The following RBM25 variants were observed in gnomAD, a reference collection of about 807,000 sequenced individuals.
The protein encoded by RBM25 is RNA-binding protein 25.
RBM25 carries 19 observed loss-of-function variants against 120.7 expected under a neutral mutation model. The ratio of observed to expected loss-of-function variants is 0.16; its 90% CI spans 0.11 to 0.23. RBM25 has a LOEUF of 0.23. Ranked by LOEUF, RBM25 falls within the 10% of genes least tolerant of loss-of-function variation. The pLI, the probability that RBM25 is intolerant of heterozygous loss-of-function variation, is 1.00. For missense variants in RBM25, 605 were observed against 1,041.5 expected (o/e 0.58, Z 5.77); for synonymous variants, 390 against 326.7 (o/e 1.19, Z -2.09).
intron 7 of RBM25, 97 bp from the exon 8 acceptor site, chr14:73,099,283 A>C: frequency 9.6e-7 from 1 of 1,045,454 alleles, no homozygotes; most frequent in Non-Finnish European, 1.4e-6. Context: ...AGTGTACTGT[A>C]TTGTTCACGT....
intron 1 of RBM25, among the ~76,000 whole-genome samples, chr14:73,063,398 C>G (rs1429883164): frequency 2.6e-5 from 4 of 151,344 alleles, no homozygotes; most frequent in Non-Finnish European, 4.4e-5. Flanking sequence ...ATCCACCCAC[C>G]TCGGCCTCCC....
At chr14:73,097,945 A>T (rs1452564781) in intron 7 of RBM25, among the ~76,000 whole-genome samples, 1 of 152,222 alleles carries the variant, frequency 6.6e-6, no homozygotes, top group Non-Finnish European at 1.5e-5. Context: ...AAACTTAGAT[A>T]AATTATAGGA....
intron 4 of RBM25, among the ~76,000 whole-genome samples, 156 bp downstream of exon 4, chr14:73,077,692 T>C (rs1895455322): frequency 6.6e-6 from 1 of 152,214 alleles, no homozygotes; most frequent in Non-Finnish European, 1.5e-5. Flanking sequence ...TTGTATTCTT[T>C]TCCTAGATTC....
intron 4 of RBM25, among the ~76,000 whole-genome samples, chr14:73,080,838 T>TA (rs974544835): frequency 5.8e-5 from 8 of 138,672 alleles, no homozygotes; most frequent in Non-Finnish European, 1.1e-4. Context: ...TTTTTTTTTT[T>TA]ATTTGAGATG....
intron 18 of RBM25, among the ~76,000 whole-genome samples, chr14:73,114,679 AGGTC>A (rs1404527189): frequency 6.6e-6 from 1 of 152,208 alleles, no homozygotes; most frequent in East Asian, 1.9e-4. Flanking sequence ...GTGGATCACA[AGGTC>A]AAGAGATCGA....
rs907963753 is a variant in RBM25, at chr14:73,121,735, G to A, written c.*1930G>A. 1.3e-5 allele frequency: 2 copies of A among 152,112 alleles called. No homozygotes were observed. Among genetic ancestry groups the A allele is most frequent in the African/African-American group, 4.8e-5 (2 of 41,404 alleles). 9.4% of individuals were successfully genotyped at this position (152,112 alleles called of 1,614,324 possible). ...CATGAAGGTTTATTCAGGTAGATTT[G>A]ATTTCCTTTGCTTCGTTTCTTCTCC... On this transcript the variant is annotated 3_prime_UTR_variant, in exon 19 of 19. Transcript: ENST00000261973.
At chr14:73,100,239 C>A (rs1896031774) in intron 9 of RBM25, 2 of 631,048 alleles carry the variant, frequency 3.2e-6, no homozygotes, top group Non-Finnish European at 2.9e-6. Flanking sequence ...ATTTTAGATG[C>A]ATGGAAGAAC....
chr14:73,090,774 T>G (rs1307319015), intron 6 of RBM25, among the ~76,000 whole-genome samples: 3 of 152,120 alleles, frequency 2.0e-5, no homozygotes, highest in Non-Finnish European at 2.9e-5. Context: ...CTCTTTAATC[T>G]TGTACCTCCA....
At chr14:73,106,903 G>T (rs1473696257) in intron 12 of RBM25, among the ~76,000 whole-genome samples, 1 of 151,190 alleles carries the variant, frequency 6.6e-6, no homozygotes, top group Non-Finnish European at 1.5e-5. Context: ...TGTGATCTCG[G>T]CTCACTGCAA....
intron 5 of RBM25, among the ~76,000 whole-genome samples, chr14:73,085,253 G>A (rs370971336): frequency 2.3e-4 from 35 of 152,052 alleles, no homozygotes; most frequent in South Asian, 4.2e-4. Context: ...TCCTGATCTC[G>A]TGATCTGCCC....
chr14:73,089,340 G>A (rs1895757886), intron 6 of RBM25, among the ~76,000 whole-genome samples: 1 of 152,074 alleles, frequency 6.6e-6, no homozygotes, highest in African/African-American at 2.4e-5. Context: ...ATTTTTCTGT[G>A]TATGAATGTG....
intron 1 of RBM25, among the ~76,000 whole-genome samples, chr14:73,068,773 A>C (rs1895205321): frequency 6.6e-6 from 1 of 152,078 alleles, no homozygotes; most frequent in Non-Finnish European, 1.5e-5. Context: ...ATGGGGTTTC[A>C]CCATGCTGGC....
chr14:73,093,986 CTG>C (rs1304972581), intron 6 of RBM25, among the ~76,000 whole-genome samples: 9 of 135,670 alleles, frequency 6.6e-5, no homozygotes, highest in African/African-American at 2.5e-4. Flanking sequence ...GAGTCTCACT[CTG>C]TCGCCCAGGC....
At chr14:73,102,211 TTTG>T (rs1435009133) in intron 9 of RBM25, 1 of 152,198 alleles carries the variant, frequency 6.6e-6, no homozygotes, top group African/African-American at 2.4e-5. Context: ...ATAAATGTGT[TTTG>T]TTTTGTTTTG....
chr14:73,098,360 G>T (rs965428181), intron 7 of RBM25, among the ~76,000 whole-genome samples: 5 of 152,096 alleles, frequency 3.3e-5, no homozygotes, highest in African/African-American at 4.8e-5. Flanking sequence ...GAACTCCTGA[G>T]CTCAAATGAT....
chr14:73,069,883 T>G (rs1895240769), intron 1 of RBM25: 1 of 141,308 alleles, frequency 7.1e-6, no homozygotes, highest in African/African-American at 2.6e-5. Flanking sequence ...CCTCAAGCCA[T>G]CCTCCTGCAT....
chr14:73,097,615 A>G lies in RBM25; in HGVS notation c.729+515A>G, dbSNP rs77602873. Among the ~76,000 whole-genome samples the G allele has an allele frequency of 8.5e-5, 13 of 152,182 alleles. No homozygotes were observed. The East Asian group carries it at 2.3e-3, about 27-fold the overall frequency. ...TTCCTAAAGTGCCAGGATTACAGTC[A>G]TGAGCCACTGCGCCCGGCCCCTATT... On this transcript the variant is annotated intron_variant, in intron 7 of 18. Coordinates refer to ENST00000261973, the MANE Select transcript of RBM25 (RefSeq NM_021239.3).
chr14:73,123,024 C>G lies in RBM25; in HGVS notation c.*3219C>G, dbSNP rs1444822531. 2.0e-5 allele frequency: 3 copies of G among 152,100 alleles called. No homozygotes were observed. Among genetic ancestry groups the G allele is most frequent in the African/African-American group, 4.8e-5 (2 of 41,414 alleles). 9.4% of individuals were successfully genotyped at this position (152,100 alleles called of 1,614,324 possible). On this transcript the variant is annotated 3_prime_UTR_variant, in exon 19 of 19. Transcript: ENST00000261973. ...TCTTGCAAAATTATGTCTGAGAAAG[C>G]CCTAATATTCTAGGCTTTTTTTCCA... is the stretch of plus-strand genomic sequence containing the variant.
rs571114966 is a variant in RBM25, at chr14:73,119,278, GT to G, written c.2440-430del. Among the ~76,000 whole-genome samples the G allele has an allele frequency of 1.1e-4, 17 of 151,276 alleles. No homozygotes were observed. In the South Asian group the frequency reaches 3.5e-3, roughly 32 times the overall value. On this transcript the variant is annotated intron_variant, in intron 18 of 18. Coordinates refer to ENST00000261973, the MANE Select transcript of RBM25 (RefSeq NM_021239.3). The stretch of plus-strand genomic sequence containing the variant: ...ACCTTAAAACTTTTTTGTTTTTTTT[GT>G]TTTTCTTTTTTGAGATGGAGTCTTG...
Sources: gnomAD v4.1 joint callset for allele counts (sites outside exome capture counted in the v4.1 genomes callset) on GRCh38, gnomAD v4.1.1 for gene constraint, MANE v1.5 for transcripts, NCBI Gene and HGNC (gene_info 2026-07-23, HGNC 2026-07-21) for gene names.